SLC14A2: variants seen among roughly 807,000 people sequenced by gnomAD.
The protein encoded by SLC14A2 is solute carrier family 14 member 2.
Under a neutral mutation model 104.6 loss-of-function variants are expected in SLC14A2, and 91 were observed. That is an observed-to-expected ratio of 0.87 (90% CI 0.73 to 1.04). The LOEUF (loss-of-function observed/expected upper bound fraction) is 1.04. Ranked by LOEUF, SLC14A2 falls within the 50% of genes least tolerant of loss-of-function variation. SLC14A2 has a pLI of 0.00. For missense variants in SLC14A2, 1,189 were observed against 1,156.0 expected (o/e 1.03, Z -0.41); for synonymous variants, 476 against 466.4 (o/e 1.02, Z -0.27).
chr18:45,652,310 C>T (rs1046143700), intron 10 of SLC14A2, among the ~76,000 whole-genome samples: 2 of 152,204 alleles, frequency 1.3e-5, no homozygotes. Flanking sequence ...TGAAAGAATA[C>T]ACAGGGAGCC....
At chr18:45,662,313 A>AG (rs2045948882) in intron 10 of SLC14A2, among the ~76,000 whole-genome samples, 1 of 152,122 alleles carries the variant, frequency 6.6e-6, no homozygotes, top group Non-Finnish European at 1.5e-5. Context: ...GAAAAAAAAA[A>AG]GTGTAGACAA....
chr18:45,629,875 C>T (rs1245539572), intron 4 of SLC14A2, among the ~76,000 whole-genome samples: 1 of 152,192 alleles, frequency 6.6e-6, no homozygotes, highest in Non-Finnish European at 1.5e-5. Flanking sequence ...TCCTACAGTA[C>T]CTAGTGCTCA....
In SLC14A2 at chr18:45,641,192, C is replaced by T. The variant is rs769107128; in HGVS notation, c.992-17C>T. On this transcript the variant is annotated splice_polypyrimidine_tract_variant and intron_variant, in intron 7 of 19. Coordinates refer to ENST00000255226, the MANE Select transcript of SLC14A2 (RefSeq NM_007163.4). Reference sequence around the variant, plus strand: ...GTGGCCCAGAATCAGACAGAAATACCACACCTTGTCCCATAGCCCTGTCAG... The same window carrying T: ...GTGGCCCAGAATCAGACAGAAATACTACACCTTGTCCCATAGCCCTGTCAG... 1.6e-5 allele frequency: 25 copies of T among 1,612,434 alleles called. No individual in the cohort carries two copies. The highest frequency in any genetic ancestry group is 3.3e-4 in the Middle Eastern group (2 of 6,052).
At chr18:45,591,709 T>C (rs2044648602) in intron 2 of SLC14A2, among the ~76,000 whole-genome samples, 1 of 152,212 alleles carries the variant, frequency 6.6e-6, no homozygotes, top group Admixed American at 6.5e-5. Context: ...AGCAAGGCTC[T>C]AGGCTATTTA....
chr18:45,185,485 G>C, the SLC14A2 span, among the ~76,000 whole-genome samples: 1 of 152,206 alleles, frequency 6.6e-6, no homozygotes, highest in East Asian at 1.9e-4. Context: ...GGAATAGAAG[G>C]AAACATCCTC....
intron 2 of SLC14A2, among the ~76,000 whole-genome samples, chr18:45,538,955 C>G (rs2043843165): frequency 6.7e-6 from 1 of 149,724 alleles, no homozygotes; most frequent in Admixed American, 6.7e-5. Context: ...CCCTTCCTTC[C>G]TGCCACAGCT....
At chr18:45,536,431 A>G (rs897752924) in intron 2 of SLC14A2, among the ~76,000 whole-genome samples, 2 of 152,192 alleles carry the variant, frequency 1.3e-5, no homozygotes, top group African/African-American at 4.8e-5. Context: ...AACCCATTCC[A>G]TGCCTCTGTC....
At chr18:45,603,045 T>C (rs1208839936) in intron 2 of SLC14A2, among the ~76,000 whole-genome samples, 1 of 152,226 alleles carries the variant, frequency 6.6e-6, no homozygotes, top group African/African-American at 2.4e-5. Context: ...ATTTTGCTTT[T>C]TTTTCACTGA....
At chr18:45,358,910 C>G (rs1318289899) in intron 1 of SLC14A2, among the ~76,000 whole-genome samples, 3 of 152,140 alleles carry the variant, frequency 2.0e-5, no homozygotes, top group Non-Finnish European at 4.4e-5. Flanking sequence ...CAATGTATGA[C>G]CAAACCGGTA....
chr18:45,319,956 G>A (rs1223857343), intron 1 of SLC14A2, among the ~76,000 whole-genome samples: 1 of 152,192 alleles, frequency 6.6e-6, no homozygotes. Context: ...TCCAGTGGCA[G>A]GTTTGGTACT....
intron 1 of SLC14A2, among the ~76,000 whole-genome samples, chr18:45,304,177 C>T (rs1258456478): frequency 6.6e-6 from 1 of 152,180 alleles, no homozygotes; most frequent in African/African-American, 2.4e-5. Flanking sequence ...ATTTTCCTCA[C>T]AAACACATAG....
the SLC14A2 span, among the ~76,000 whole-genome samples, chr18:45,175,996 G>A: frequency 2.0e-5 from 3 of 152,158 alleles, no homozygotes. Flanking sequence ...TTACTGCCCT[G>A]TAAAATTCAT....
chr18:45,236,806 C>T (rs925434071), intron 1 of SLC14A2, among the ~76,000 whole-genome samples: 1 of 152,002 alleles, frequency 6.6e-6, no homozygotes, highest in East Asian at 1.9e-4. Context: ...GATGACATGG[C>T]AGCTTTATTT....
At chr18:45,187,058 C>T in the SLC14A2 span, among the ~76,000 whole-genome samples, 2 of 152,056 alleles carry the variant, frequency 1.3e-5, no homozygotes, top group South Asian at 2.1e-4. Context: ...TGTTGCCCAC[C>T]GCAGCAAAGC....
At chr18:45,611,666 C>T (rs546273221), upstream of SLC14A2, among the ~76,000 whole-genome samples, 12 of 152,274 alleles carry the variant, frequency 7.9e-5, no homozygotes, top group African/African-American at 2.9e-4. Flanking sequence ...AGGGAGAGAA[C>T]CTTAGGGAAG....
intron 2 of SLC14A2, chr18:45,507,413 T>C (rs1453107666): frequency 1.3e-5 from 2 of 152,370 alleles, no homozygotes; most frequent in African/African-American, 2.4e-5. Context: ...AATCAGTCTT[T>C]GGTAAGCTCT....
At chr18:45,587,165 C>T (rs936550571) in intron 2 of SLC14A2, among the ~76,000 whole-genome samples, 1 of 152,034 alleles carries the variant, frequency 6.6e-6, no homozygotes, top group Non-Finnish European at 1.5e-5. Flanking sequence ...AGTAGAGACA[C>T]GGTTTTACCA....
chr18:45,554,993 T>G (rs1218312596), intron 2 of SLC14A2, among the ~76,000 whole-genome samples: 1 of 152,244 alleles, frequency 6.6e-6, no homozygotes, highest in Non-Finnish European at 1.5e-5. Flanking sequence ...TCCCTTGAGA[T>G]GGATTTGAAA....
the SLC14A2 span, among the ~76,000 whole-genome samples, chr18:45,175,101 C>T: frequency 6.6e-6 from 1 of 152,138 alleles, no homozygotes; most frequent in African/African-American, 2.4e-5. Context: ...TACCCTTTGA[C>T]CTGTAATCCC....
Sources: gnomAD v4.1 joint callset for allele counts (sites outside exome capture counted in the v4.1 genomes callset) on GRCh38, gnomAD v4.1.1 for gene constraint, MANE v1.5 for transcripts, NCBI Gene and HGNC (gene_info 2026-07-23, HGNC 2026-07-21) for gene names.